Variants in NRXN3 observed in about 807,000 individuals in gnomAD.
The protein encoded by NRXN3 is neurexin 3.
Under a neutral mutation model 137.6 loss-of-function variants are expected in NRXN3, and 32 were observed. That is an observed-to-expected ratio of 0.23 (90% CI 0.18 to 0.31). NRXN3 has a LOEUF of 0.31. Among genes scored for constraint, NRXN3 ranks in the 10% least tolerant of loss-of-function variants. NRXN3 has a pLI of 1.00. For synonymous variants in NRXN3, 798 were observed against 784.5 expected (o/e 1.02, Z -0.29); for missense variants, 1,574 against 2,062.5 (o/e 0.76, Z 4.59).
chr14:78,783,657 T>C (rs1420492094), intron 8 of NRXN3, among the ~76,000 whole-genome samples: 1 of 152,170 alleles, frequency 6.6e-6, no homozygotes, highest in Non-Finnish European at 1.5e-5. Flanking sequence ...TCTATAAGTA[T>C]GTAAGTTTGA....
At chr14:79,341,458 CAG>C (rs773801749) in intron 15 of NRXN3, among the ~76,000 whole-genome samples, 1 of 152,278 alleles carries the variant, frequency 6.6e-6, no homozygotes, top group Non-Finnish European at 1.5e-5. Flanking sequence ...GTTAGAAATG[CAG>C]AGTCTCAGGC....
At chr14:79,707,622 T>C (rs2098786007) in intron 19 of NRXN3, among the ~76,000 whole-genome samples, 1 of 152,220 alleles carries the variant, frequency 6.6e-6, no homozygotes, top group African/African-American at 2.4e-5. Flanking sequence ...AATGGGATTA[T>C]AATCTGGTCT....
chr14:79,498,388 A>C (rs1415169061), intron 16 of NRXN3, among the ~76,000 whole-genome samples: 1 of 152,026 alleles, frequency 6.6e-6, no homozygotes, highest in East Asian at 1.9e-4. Context: ...GCCAGCCTTG[A>C]CTCACCTGAG....
chr14:78,782,386 C>A (rs2098773083), intron 8 of NRXN3, among the ~76,000 whole-genome samples: 1 of 152,186 alleles, frequency 6.6e-6, no homozygotes, highest in Non-Finnish European at 1.5e-5. Flanking sequence ...TAAAATCTTA[C>A]ATCTCTGGGA....
At chr14:78,615,576 A>G (rs754433709) in intron 4 of NRXN3, among the ~76,000 whole-genome samples, 33 of 152,048 alleles carry the variant, frequency 2.2e-4, no homozygotes, top group Non-Finnish European at 3.7e-4. Flanking sequence ...GCACCACTGC[A>G]CTTCAGCCTG....
intron 14 of NRXN3, 111 bp downstream of exon 14, chr14:78,968,457 A>G (rs2099428201): frequency 3.2e-6 from 3 of 924,824 alleles, no homozygotes; most frequent in Non-Finnish European, 4.8e-6. Flanking sequence ...TCTCATTCTC[A>G]TTTGCCACGT....
chr14:79,343,472 A>G (rs1308149627), intron 15 of NRXN3, among the ~76,000 whole-genome samples: 1 of 152,150 alleles, frequency 6.6e-6, no homozygotes. Context: ...TTATAACTGA[A>G]AAGAACAGCC....
At chr14:79,087,828 TTA>T (rs2048409357) in intron 15 of NRXN3, among the ~76,000 whole-genome samples, 1 of 152,160 alleles carries the variant, frequency 6.6e-6, no homozygotes, top group Non-Finnish European at 1.5e-5. Context: ...AAAAAATCTT[TTA>T]TGTTTGAGAA....
chr14:78,690,415 A>G (rs1461396212), intron 6 of NRXN3, among the ~76,000 whole-genome samples: 2 of 152,302 alleles, frequency 1.3e-5, no homozygotes, highest in Admixed American at 6.5e-5. Context: ...GACCATTTCT[A>G]TCTACATGGA....
intron 16 of NRXN3, among the ~76,000 whole-genome samples, chr14:79,480,364 C>T (rs1042438581): frequency 2.0e-5 from 3 of 152,022 alleles, no homozygotes; most frequent in Non-Finnish European, 2.9e-5. Flanking sequence ...AATACTAGAG[C>T]GTGAAAGAGG....
At chr14:78,763,417 A>C (rs959111319) in intron 8 of NRXN3, among the ~76,000 whole-genome samples, 3 of 152,160 alleles carry the variant, frequency 2.0e-5, no homozygotes, top group Non-Finnish European at 2.9e-5. Context: ...TTGAGATAAT[A>C]GGCATACAGT....
Position 78,302,753 on chromosome 14 carries a change from C to T in NRXN3, c.757+4893C>T, listed in dbSNP as rs571693731. On this transcript the variant is annotated intron_variant, in intron 4 of 20. Coordinates refer to ENST00000335750, the MANE Select transcript of NRXN3 (RefSeq NM_001330195.2). Reference sequence around the variant, plus strand: ...ACGCATTTCCCACCTGCCTTATCACCGTGGGGTGTGAAACCCAGGAATTAC... The same window carrying T: ...ACGCATTTCCCACCTGCCTTATCACTGTGGGGTGTGAAACCCAGGAATTAC... 3.9e-5 allele frequency among the ~76,000 whole-genome samples: 6 copies of T among 152,188 alleles called. No individual in the cohort carries two copies. In the South Asian group the frequency reaches 6.2e-4, roughly 16 times the overall value.
chr14:79,808,430 T>A (rs758157086), intron 20 of NRXN3, among the ~76,000 whole-genome samples: 1 of 152,018 alleles, frequency 6.6e-6, no homozygotes, highest in African/African-American at 2.4e-5. Flanking sequence ...TACACATCTT[T>A]GACATAAATT....
At chr14:78,297,883 C>CGA in intron 4 of NRXN3, 23 bp downstream of exon 4, 1 of 1,536,238 alleles carries the variant, frequency 6.5e-7, no homozygotes. Context: ...TGCTTGTGGT[C>CGA]CTGCAGCTGC....
At chr14:78,493,854 C>G (rs1461204769) in intron 4 of NRXN3, among the ~76,000 whole-genome samples, 1 of 152,130 alleles carries the variant, frequency 6.6e-6, no homozygotes, top group South Asian at 2.1e-4. Flanking sequence ...AAAACAAAAC[C>G]TACTTAAGGT....
intron 14 of NRXN3, among the ~76,000 whole-genome samples, chr14:78,970,929 A>C (rs2099436498): frequency 6.6e-6 from 1 of 152,216 alleles, no homozygotes. Flanking sequence ...CCCACTGAGC[A>C]TTATGCCTAC....
intron 16 of NRXN3, among the ~76,000 whole-genome samples, chr14:79,620,846 A>G (rs1479807714): frequency 1.3e-5 from 2 of 152,096 alleles, no homozygotes; most frequent in Non-Finnish European, 2.9e-5. Flanking sequence ...AAGTCTGGAG[A>G]ATGGATGAGA....
intron 15 of NRXN3, among the ~76,000 whole-genome samples, chr14:79,363,139 T>G (rs774942406): frequency 6.6e-6 from 1 of 152,060 alleles, no homozygotes; most frequent in East Asian, 1.9e-4. Context: ...TAGCTGGAAT[T>G]ATAGGCGCCC....
chr14:78,751,913 G>A (rs921974978), intron 8 of NRXN3, among the ~76,000 whole-genome samples: 2 of 152,178 alleles, frequency 1.3e-5, no homozygotes, highest in African/African-American at 4.8e-5. Flanking sequence ...GGCAAAGCAT[G>A]AGAAGCACTG....
Sources: gnomAD v4.1 joint callset for allele counts (sites outside exome capture counted in the v4.1 genomes callset) on GRCh38, gnomAD v4.1.1 for gene constraint, MANE v1.5 for transcripts, NCBI Gene and HGNC (gene_info 2026-07-23, HGNC 2026-07-21) for gene names.